Variants in SMARCC1 observed in about 807,000 individuals in gnomAD.
The protein encoded by SMARCC1 is SWI/SNF complex subunit SMARCC1.
Under a neutral mutation model 147.4 loss-of-function variants are expected in SMARCC1, and 43 were observed. The observed-to-expected ratio is 0.29, with a 90% CI of 0.23 to 0.38. The LOEUF is 0.38. SMARCC1 is among the 10% of genes least tolerant of loss of function. SMARCC1 has a pLI of 1.00. For synonymous variants in SMARCC1, 495 were observed against 484.4 expected (o/e 1.02, Z -0.29); for missense variants, 1,119 against 1,381.1 (o/e 0.81, Z 3.01).
chr3:47,704,273 CAA>C (rs913276279), intron 10 of SMARCC1, among the ~76,000 whole-genome samples: 7 of 151,980 alleles, frequency 4.6e-5, no homozygotes, highest in African/African-American at 1.7e-4. Context: ...ATGAATGAAA[CAA>C]AAGTTGGGAA....
intron 26 of SMARCC1, among the ~76,000 whole-genome samples, chr3:47,593,481 T>C (rs919530845): frequency 2.6e-5 from 4 of 152,174 alleles, no homozygotes; most frequent in Admixed American, 2.6e-4. Flanking sequence ...CTGAAATTTT[T>C]TTATGTAGGA....
intron 18 of SMARCC1, among the ~76,000 whole-genome samples, chr3:47,673,395 A>AGT (rs2033527541): frequency 1.3e-4 from 2 of 15,878 alleles, no homozygotes; most frequent in Non-Finnish European, 2.6e-4. Context: ...CAAAAAAAAA[A>AGT]GGGTGGGGGG....
intron 3 of SMARCC1, 62 bp from the exon 4 acceptor site, chr3:47,738,172 GT>G: frequency 2.6e-6 from 3 of 1,143,156 alleles, no homozygotes; most frequent in Admixed American, 2.7e-5. Flanking sequence ...TGAAAACTTG[GT>G]TTTAGAATTC....
intron 2 of SMARCC1, among the ~76,000 whole-genome samples, chr3:47,758,208 C>T (rs1053224070): frequency 1.3e-5 from 2 of 152,098 alleles, no homozygotes; most frequent in East Asian, 1.9e-4. Flanking sequence ...CAGCCTTCAA[C>T]TCCTGGGCTC....
intron 21 of SMARCC1, among the ~76,000 whole-genome samples, chr3:47,657,887 C>T (rs910092205): frequency 4.0e-5 from 6 of 151,818 alleles, no homozygotes; most frequent in Non-Finnish European, 7.4e-5. Flanking sequence ...TATAGAATGT[C>T]GCAAAAGCAG....
At chr3:47,769,489 AG>A (rs966383266) in intron 2 of SMARCC1, among the ~76,000 whole-genome samples, 1 of 151,388 alleles carries the variant, frequency 6.6e-6, no homozygotes, top group Non-Finnish European at 1.5e-5. Context: ...AGCCTCCCAA[AG>A]TGCTGGGATT....
At chr3:47,662,816 T>C (rs1479338358) in intron 19 of SMARCC1, among the ~76,000 whole-genome samples, 1 of 151,794 alleles carries the variant, frequency 6.6e-6, no homozygotes, top group East Asian at 2.0e-4. Context: ...CTCACGCGTA[T>C]AATCTCAGCA....
intron 1 of SMARCC1, among the ~76,000 whole-genome samples, chr3:47,775,148 T>C (rs1329451491): frequency 6.6e-6 from 1 of 151,512 alleles, no homozygotes; most frequent in Non-Finnish European, 1.5e-5. Flanking sequence ...TTTTCTCCAA[T>C]ATACTCAACA....
At chr3:47,756,021 G>T (rs1576432540) in intron 2 of SMARCC1, among the ~76,000 whole-genome samples, 1 of 102,520 alleles carries the variant, frequency 9.8e-6, no homozygotes, top group African/African-American at 3.8e-5. Flanking sequence ...AAAAAAAAAA[G>T]GCTGGGCGTG....
chr3:47,730,474 G>C, intron 5 of SMARCC1, among the ~76,000 whole-genome samples: 1 of 152,158 alleles, frequency 6.6e-6, no homozygotes, highest in East Asian at 1.9e-4. Context: ...CAGTGAGAGA[G>C]ACCCTGTCTC....
At chr3:47,665,479 A>G (rs1470918711) in intron 19 of SMARCC1, among the ~76,000 whole-genome samples, 1 of 152,200 alleles carries the variant, frequency 6.6e-6, no homozygotes, top group African/African-American at 2.4e-5. Context: ...TTTTAATTAA[A>G]AAATATTTTT....
intron 26 of SMARCC1, among the ~76,000 whole-genome samples, chr3:47,596,576 A>AAAAT (rs1189656123): frequency 4.6e-5 from 7 of 151,634 alleles, no homozygotes; most frequent in East Asian, 1.9e-4. Context: ...CAAAAAAAAA[A>AAAAT]AAATAAATAA....
intron 8 of SMARCC1, among the ~76,000 whole-genome samples, chr3:47,712,040 C>T (rs1322226974): frequency 2.6e-5 from 4 of 152,100 alleles, no homozygotes; most frequent in Non-Finnish European, 5.9e-5. Context: ...CAAGACCAGC[C>T]TGACCAACAA....
chr3:47,644,254 G>T (rs1237102135), intron 21 of SMARCC1, among the ~76,000 whole-genome samples: 1 of 152,150 alleles, frequency 6.6e-6, no homozygotes, highest in African/African-American at 2.4e-5. Flanking sequence ...GCAGGGGTAG[G>T]AAGACAGCTT....
At chr3:47,704,857 C>A (rs1345454302) in intron 10 of SMARCC1, among the ~76,000 whole-genome samples, 1 of 151,766 alleles carries the variant, frequency 6.6e-6, no homozygotes, top group Non-Finnish European at 1.5e-5. Flanking sequence ...ATGGAGGCTG[C>A]AATGGGCCAA....
At chr3:47,689,529 T>C (rs2033766571) in intron 12 of SMARCC1, 105 bp from the exon 13 acceptor site, 2 of 938,084 alleles carry the variant, frequency 2.1e-6, no homozygotes, top group Non-Finnish European at 3.5e-6. Context: ...AGAAAAGGAA[T>C]GAAATAGTGC....
intron 26 of SMARCC1, among the ~76,000 whole-genome samples, chr3:47,592,822 GTT>G (rs139189268): frequency 3.7e-5 from 5 of 136,542 alleles, no homozygotes; most frequent in Admixed American, 7.4e-5. Flanking sequence ...TGGTAGTCTT[GTT>G]TTTTTTTTTT....
chr3:47,765,511 CCTACA>C (rs143016812), intron 2 of SMARCC1, among the ~76,000 whole-genome samples: 153 of 152,036 alleles, frequency 1.0e-3, no homozygotes, highest in African/African-American at 3.4e-3. Context: ...AAGTAAATTT[CCTACA>C]CTATTTTGCT....
At chr3:47,678,692 A>C (rs2033602399) in intron 15 of SMARCC1, among the ~76,000 whole-genome samples, 1 of 152,334 alleles carries the variant, frequency 6.6e-6, no homozygotes, top group South Asian at 2.1e-4. Flanking sequence ...TGTATGTCTG[A>C]CAATTGAATC....
Sources: allele counts gnomAD v4.1 joint callset (sites outside exome capture counted in the v4.1 genomes callset), GRCh38; gene constraint gnomAD v4.1.1; transcripts MANE v1.5; gene names NCBI Gene and HGNC (gene_info 2026-07-23, HGNC 2026-07-21).